The following RBFOX3 variants were observed in gnomAD, a reference collection of about 807,000 sequenced individuals.
RBFOX3 encodes the protein RNA binding protein fox-1 homolog 3.
RBFOX3 carries 17 observed loss-of-function variants against 48.7 expected under a neutral mutation model. The observed-to-expected ratio is 0.35, with a 90% CI of 0.24 to 0.52. The LOEUF (loss-of-function observed/expected upper bound fraction) is 0.52. Ranked by LOEUF, RBFOX3 falls within the 20% of genes least tolerant of loss-of-function variation. The probability of loss-of-function intolerance (pLI) is 0.94; values close to 1 mark genes in which losing one functional copy is unlikely to be tolerated. For synonymous variants in RBFOX3, 212 were observed against 209.5 expected, an observed-to-expected ratio of 1.01 and a Z score of -0.10; for missense variants, 382 against 497.5, an observed-to-expected ratio of 0.77 and a Z score of 2.21.
chr17:79,320,734 C>G (rs1315816904), intron 2 of RBFOX3, among the ~76,000 whole-genome samples: 3 of 152,076 alleles, frequency 2.0e-5, no homozygotes, highest in African/African-American at 4.8e-5. Flanking sequence ...AACGCAGGAG[C>G]CCTGCCCGCC....
At chr17:79,179,892 T>G (rs2377308) in intron 4 of RBFOX3, among the ~76,000 whole-genome samples, 110,005 of 152,090 alleles carry the variant, frequency 0.72, 41,085 homozygotes, top group African/African-American at 0.92. Flanking sequence ...GGTCAGATGT[T>G]GGGGGACCAC....
chr17:79,306,297 C>T lies in RBFOX3; in HGVS notation c.-74+1427G>A, dbSNP rs145776725. Among the ~76,000 whole-genome samples the T allele has an allele frequency of 1.7e-3, 252 of 152,372 alleles. 1 individual carries two copies. Among genetic ancestry groups the T allele is most frequent in the Middle Eastern group, 3.4e-3 (1 of 294 alleles). ...GGCTGTGAGACATCTCCCCGGCCCA[C>T]GGCACTCAGCAGTGCTAGCTGACAA... On this transcript the variant is annotated intron_variant, in intron 3 of 14. Transcript: ENST00000693108.
chr17:79,338,948 A>G (rs1412717579), intron 2 of RBFOX3, among the ~76,000 whole-genome samples: 2 of 152,182 alleles, frequency 1.3e-5, no homozygotes, highest in Non-Finnish European at 2.9e-5. Context: ...AGTGAGAGGG[A>G]AGGAGGCGGT....
At chr17:79,227,956 T>TC (rs995668865) in intron 4 of RBFOX3, among the ~76,000 whole-genome samples, 1 of 152,056 alleles carries the variant, frequency 6.6e-6, no homozygotes, top group African/African-American at 2.4e-5. Flanking sequence ...TTTGTGGACC[T>TC]CCCCCTACGA....
At chr17:79,265,972 C>A (rs557308127) in intron 3 of RBFOX3, among the ~76,000 whole-genome samples, 1 of 152,342 alleles carries the variant, frequency 6.6e-6, no homozygotes, top group East Asian at 1.9e-4. Context: ...TAAATTTATA[C>A]AAACACTGTG....
At chr17:79,170,778 C>A (rs2049117934) in intron 4 of RBFOX3, among the ~76,000 whole-genome samples, 1 of 152,180 alleles carries the variant, frequency 6.6e-6, no homozygotes, top group Non-Finnish European at 1.5e-5. Context: ...GCTCAAAGAC[C>A]TTCTGTGGCT....
intron 1 of RBFOX3, among the ~76,000 whole-genome samples, chr17:79,488,256 C>T (rs1380025460): frequency 3.3e-5 from 5 of 152,292 alleles, no homozygotes; most frequent in East Asian, 1.9e-4. Context: ...TAAATTAAGG[C>T]TCATCTGAGG....
intron 2 of RBFOX3, among the ~76,000 whole-genome samples, chr17:79,355,838 C>A (rs1422965952): frequency 6.6e-6 from 1 of 152,176 alleles, no homozygotes; most frequent in African/African-American, 2.4e-5. Flanking sequence ...GCCTTAGCTT[C>A]CCAAAGTGCT....
At chr17:79,625,548 T>C in the RBFOX3 span, among the ~76,000 whole-genome samples, 1 of 152,180 alleles carries the variant, frequency 6.6e-6, no homozygotes, top group Non-Finnish European at 1.5e-5. Flanking sequence ...CCCAGCATTT[T>C]GGGAGGCTGA....
At chr17:79,558,916 G>T (rs972977270) in intron 1 of RBFOX3, among the ~76,000 whole-genome samples, 10,871 of 152,066 alleles carry the variant, frequency 0.071, 831 homozygotes, top group East Asian at 0.37. Context: ...GAGGCTGTGT[G>T]GATTCAACGT....
the RBFOX3 span, among the ~76,000 whole-genome samples, chr17:79,620,482 CACGT>C: frequency 6.9e-6 from 1 of 144,496 alleles, no homozygotes; most frequent in Non-Finnish European, 1.5e-5. Context: ...TGCACACACG[CACGT>C]GCACACACGC....
At chr17:79,408,985 CCA>C (rs1275412465) in intron 2 of RBFOX3, among the ~76,000 whole-genome samples, 2 of 152,200 alleles carry the variant, frequency 1.3e-5, no homozygotes, top group African/African-American at 4.8e-5. Context: ...CAGCCTCTGC[CCA>C]TCACCAGCCC....
chr17:79,489,763 T>A (rs2080217295), intron 1 of RBFOX3, among the ~76,000 whole-genome samples: 1 of 152,204 alleles, frequency 6.6e-6, no homozygotes, highest in Admixed American at 6.5e-5. Flanking sequence ...AGCTTCTCCC[T>A]GGGTGCCAGT....
the RBFOX3 span, among the ~76,000 whole-genome samples, chr17:79,655,897 C>T: frequency 6.6e-6 from 1 of 152,144 alleles, no homozygotes; most frequent in Non-Finnish European, 1.5e-5. Flanking sequence ...CTGCCCGACC[C>T]GCCTGACCCA....
At position 79,363,759 on chromosome 17, in the gene RBFOX3, G is replaced by A. The variant is rs879534193; in HGVS notation, c.-174-55935C>T. Reference sequence around the variant, plus strand: ...GCCCTCCAGCCTCCATGCTCAGCCCGTCCGCCCCCCAGCAGCCTGGGTCTG... The same window carrying A: ...GCCCTCCAGCCTCCATGCTCAGCCCATCCGCCCCCCAGCAGCCTGGGTCTG... On this transcript the variant is annotated intron_variant, in intron 2 of 14. Coordinates refer to ENST00000693108, the MANE Select transcript of RBFOX3 (RefSeq NM_001350451.2). This position sits in a 1 kb window ranked among gnomAD's most constrained non-coding sequence, Gnocchi z 4.7. 4.0e-5 allele frequency among the ~76,000 whole-genome samples: 6 copies of A among 151,874 alleles called. No individual in the cohort carries two copies. The highest frequency in any genetic ancestry group is 9.7e-5 in the African/African-American group (4 of 41,318).
chr17:79,573,275 C>T (rs1319798154), intron 1 of RBFOX3, among the ~76,000 whole-genome samples: 5 of 152,282 alleles, frequency 3.3e-5, no homozygotes, highest in Non-Finnish European at 4.4e-5. Flanking sequence ...AGACCAAGGC[C>T]ACGGGGAACA....
At chr17:79,608,965 G>A (rs2093906157) in intron 1 of RBFOX3, among the ~76,000 whole-genome samples, 1 of 140,992 alleles carries the variant, frequency 7.1e-6, no homozygotes, top group South Asian at 2.5e-4. Context: ...CCCCGCCGGC[G>A]CTCAGTGACC....
chr17:79,472,417 A>G (rs1031265526), intron 2 of RBFOX3, among the ~76,000 whole-genome samples: 23 of 152,296 alleles, frequency 1.5e-4, no homozygotes, highest in Admixed American at 3.3e-4. Context: ...ATGTGACCGT[A>G]TTTGGAGATA....
At chr17:79,414,659 G>T (rs1308327677) in intron 2 of RBFOX3, among the ~76,000 whole-genome samples, 1 of 152,344 alleles carries the variant, frequency 6.6e-6, no homozygotes, top group East Asian at 1.9e-4. Flanking sequence ...GGTCTGGGAG[G>T]TCCGGCCTGG....
Sources: gnomAD v4.1 joint callset for allele counts (sites outside exome capture counted in the v4.1 genomes callset) on GRCh38, gnomAD v4.1.1 for gene constraint, Gnocchi (gnomAD v3.1) non-coding constraint, MANE v1.5 for transcripts, NCBI Gene and HGNC (gene_info 2026-07-23, HGNC 2026-07-21) for gene names.